The following RFX7 variants were observed in gnomAD, a reference collection of about 807,000 sequenced individuals.
RFX7 encodes the protein DNA-binding protein RFX7.
RFX7 carries 26 observed loss-of-function variants against 111.8 expected under a neutral mutation model. That is an observed-to-expected ratio of 0.23 (90% CI 0.17 to 0.32). The LOEUF is 0.32. RFX7 is among the 10% of genes least tolerant of loss of function. The probability of loss-of-function intolerance (pLI) is 1.00; values close to 1 mark genes in which losing one functional copy is unlikely to be tolerated. For synonymous variants in RFX7, 624 were observed against 624.4 expected (o/e 1.00, Z 0.01); for missense variants, 1,573 against 1,772.9 (o/e 0.89, Z 2.02).
intron 3 of RFX7, among the ~76,000 whole-genome samples, chr15:56,157,417 T>A (rs2042666198): frequency 6.6e-6 from 1 of 152,226 alleles, no homozygotes; most frequent in Non-Finnish European, 1.5e-5. Context: ...TAACTAAAAA[T>A]TGTCCCAGTA....
chr15:56,156,515 G>C lies in RFX7; in HGVS notation c.196-12032C>G, dbSNP rs552791423. 2.8e-4 allele frequency among the ~76,000 whole-genome samples: 43 copies of C among 152,142 alleles called. 2 individuals carry two copies. The highest frequency in any genetic ancestry group is 1.0e-3 in the African/African-American group (43 of 41,428). On this transcript the variant is annotated intron_variant, in intron 3 of 9. Coordinates refer to ENST00000559447, the MANE Select transcript of RFX7 (RefSeq NM_022841.7). ...GTTATAACAAAGTTTCACTATTTCAGATGGTGCTGTAATGGAAATCCTTTA... is the reference window on the plus strand; with the variant it reads ...GTTATAACAAAGTTTCACTATTTCACATGGTGCTGTAATGGAAATCCTTTA...
chr15:56,216,112 C>G (rs757167421), intron 2 of RFX7, among the ~76,000 whole-genome samples: 5 of 152,214 alleles, frequency 3.3e-5, no homozygotes, highest in Non-Finnish European at 7.3e-5. Flanking sequence ...GTCCAGCCCA[C>G]ACTCAAGGCA....
chr15:56,209,269 A>G (rs2043286979), intron 2 of RFX7, among the ~76,000 whole-genome samples: 1 of 151,810 alleles, frequency 6.6e-6, no homozygotes, highest in Admixed American at 6.6e-5. Context: ...AGTGGAGTGA[A>G]ACACTCGAGA....
intron 3 of RFX7, among the ~76,000 whole-genome samples, chr15:56,173,698 G>A (rs896212048): frequency 6.6e-6 from 1 of 152,210 alleles, no homozygotes; most frequent in Admixed American, 6.5e-5. Flanking sequence ...GGAGGTTGAG[G>A]CAGGAGAATC....
intron 3 of RFX7, among the ~76,000 whole-genome samples, chr15:56,152,160 C>T (rs1282300203): frequency 6.6e-6 from 1 of 152,140 alleles, no homozygotes; most frequent in Non-Finnish European, 1.5e-5. Context: ...AGAAAATTAA[C>T]AAGGATATTC....
chr15:56,243,539 G>T lies in RFX7; in HGVS notation c.-97C>A, dbSNP rs2043744561. 1.0e-6 allele frequency: 1 copy of T among 983,266 alleles called. No homozygotes were observed. The highest frequency in any genetic ancestry group is 6.2e-5 in the Admixed American group (1 of 16,204). 60.9% of individuals were successfully genotyped at this position (983,266 alleles called of 1,614,324 possible). On this transcript the variant is annotated 5_prime_UTR_variant, in exon 1 of 10. Transcript: ENST00000559447. ...ACGGCCGGGGCGCTTCACCGCGGGA[G>T]AGGCATGGCGGCGCCCCTCAGCCCC...
intron 3 of RFX7, among the ~76,000 whole-genome samples, chr15:56,168,935 C>T (rs35749329): frequency 0.33 from 49,835 of 152,062 alleles, 9,305 homozygotes; most frequent in Non-Finnish European, 0.41. Flanking sequence ...TATTGCAATA[C>T]TCTTGAATGC....
rs540678364 is a variant in RFX7 at position 56,110,445 on chromosome 15, C to G, written c.402-6775G>C. Among the ~76,000 whole-genome samples the G allele has an allele frequency of 3.0e-5, 4 of 133,892 alleles. No individual in the cohort carries two copies. The East Asian group carries it at 9.4e-4, about 31-fold the overall frequency. The allele number at this position is 133,892 out of a possible 152,430, so 87.8% of individuals were successfully genotyped here. Reference sequence around the variant, plus strand: ...GGTCAGCCCCCCGCCCGGCCAGCCGCCCCATCCGGGAGGCGAGGGGAGCCT... The same window carrying G: ...GGTCAGCCCCCCGCCCGGCCAGCCGGCCCATCCGGGAGGCGAGGGGAGCCT... On this transcript the variant is annotated intron_variant, in intron 5 of 9. Transcript: ENST00000559447.
chr15:56,141,693 A>AGG (rs1430283759), intron 5 of RFX7, among the ~76,000 whole-genome samples: 4 of 142,818 alleles, frequency 2.8e-5, no homozygotes, highest in African/African-American at 1.1e-4. Context: ...ATGCTGAATA[A>AGG]GGGCAAGGGC....
chr15:56,225,596 A>C (rs1457746690), intron 2 of RFX7, among the ~76,000 whole-genome samples: 3 of 152,280 alleles, frequency 2.0e-5, no homozygotes, highest in East Asian at 1.9e-4. Flanking sequence ...CAGGAATCCC[A>C]ATCACATCTC....
At chr15:56,121,016 T>A (rs35082998) in intron 5 of RFX7, among the ~76,000 whole-genome samples, 58,868 of 152,056 alleles carry the variant, frequency 0.39, 11,491 homozygotes, top group East Asian at 0.41. Context: ...CTATGAGTAG[T>A]TTACACACCA....
At chr15:56,147,004 A>G (rs11636040) in intron 3 of RFX7, among the ~76,000 whole-genome samples, 19,791 of 152,208 alleles carry the variant, frequency 0.13, 1,669 homozygotes, top group East Asian at 0.44. Context: ...TTAGGAGAAG[A>G]CCCTAACCTT....
chr15:56,137,680 A>T (rs34835141), intron 5 of RFX7, among the ~76,000 whole-genome samples: 61,759 of 150,424 alleles, frequency 0.41, 12,655 homozygotes, highest in African/African-American at 0.42. Flanking sequence ...TTGCTCTTGC[A>T]TTTCTAGTTC....
intron 2 of RFX7, among the ~76,000 whole-genome samples, chr15:56,212,637 C>A (rs188018660): frequency 2.0e-5 from 3 of 152,048 alleles, no homozygotes; most frequent in Admixed American, 6.5e-5. Context: ...TCTTCTGGTT[C>A]TTCTTTTGTG....
chr15:56,132,761 C>G (rs1432140316), intron 5 of RFX7, among the ~76,000 whole-genome samples: 1 of 151,982 alleles, frequency 6.6e-6, no homozygotes, highest in Admixed American at 6.6e-5. Flanking sequence ...ATATTTATGT[C>G]TTTAATAAAT....
intron 5 of RFX7, among the ~76,000 whole-genome samples, chr15:56,110,214 T>A (rs1595931665): frequency 9.8e-6 from 1 of 102,192 alleles, no homozygotes; most frequent in Admixed American, 1.0e-4. Context: ...CCGCCCCTAC[T>A]GGGAAGTGAG....
chr15:56,167,334 TCTTACATTTTAGTCC>T (rs1477194568), intron 3 of RFX7, among the ~76,000 whole-genome samples: 1 of 152,074 alleles, frequency 6.6e-6, no homozygotes, highest in African/African-American at 2.4e-5. Flanking sequence ...AAGTTATTTC[TCTTACATTTTAGTCC>T]CTAACTATAC....
intron 5 of RFX7, among the ~76,000 whole-genome samples, chr15:56,141,111 T>C (rs2042386458): frequency 2.0e-5 from 3 of 152,202 alleles, no homozygotes; most frequent in Non-Finnish European, 1.5e-5. Context: ...ATTCCCTACT[T>C]GAGACAACTT....
intron 5 of RFX7, among the ~76,000 whole-genome samples, chr15:56,118,321 A>AC (rs1315573117): frequency 1.3e-5 from 2 of 152,006 alleles, no homozygotes; most frequent in Non-Finnish European, 2.9e-5. Context: ...CCATCAACCA[A>AC]CCCCACTTCA....
Sources: allele counts gnomAD v4.1 joint callset (sites outside exome capture counted in the v4.1 genomes callset), GRCh38; gene constraint gnomAD v4.1.1; transcripts MANE v1.5; gene names NCBI Gene and HGNC (gene_info 2026-07-23, HGNC 2026-07-21).